The following KATNAL1 variants were observed in gnomAD, a reference collection of about 807,000 sequenced individuals.
KATNAL1 encodes katanin p60 ATPase-containing subunit A-like 1.
KATNAL1 carries 32 observed loss-of-function variants against 55.2 expected under a neutral mutation model. That is an observed-to-expected ratio of 0.58 (90% CI 0.44 to 0.78). KATNAL1 has a LOEUF of 0.78. Ranked by LOEUF, KATNAL1 falls within the 30% of genes least tolerant of loss-of-function variation. The pLI, the probability that KATNAL1 is intolerant of heterozygous loss-of-function variation, is 0.00. For synonymous variants in KATNAL1, 193 were observed against 193.6 expected (o/e 1.00, Z 0.02); for missense variants, 466 against 600.9 (o/e 0.78, Z 2.35).
chr13:30,300,194 T>C (rs1566137766), intron 1 of KATNAL1, among the ~76,000 whole-genome samples: 6 of 152,234 alleles, frequency 3.9e-5, no homozygotes, highest in Non-Finnish European at 2.9e-5. Context: ...ACAAAACATT[T>C]TTTAAACTAA....
At chr13:30,230,068 G>A (rs780784013) in intron 8 of KATNAL1, among the ~76,000 whole-genome samples, 9 of 150,160 alleles carry the variant, frequency 6.0e-5, no homozygotes, top group Non-Finnish European at 1.0e-4. Context: ...ACAGCCTCTC[G>A]AAAACTCTAC....
At chr13:30,245,380 A>G (rs745820841) in intron 4 of KATNAL1, among the ~76,000 whole-genome samples, 6 of 152,156 alleles carry the variant, frequency 3.9e-5, no homozygotes, top group African/African-American at 7.2e-5. Flanking sequence ...CTCCCAATAT[A>G]CTAGGTATCG....
chr13:30,233,392 T>A (rs1876304464), intron 6 of KATNAL1, among the ~76,000 whole-genome samples: 2 of 152,070 alleles, frequency 1.3e-5, no homozygotes, highest in Admixed American at 1.3e-4. Flanking sequence ...AAATTCAAGT[T>A]AAAACCAAAA....
intron 1 of KATNAL1, among the ~76,000 whole-genome samples, chr13:30,303,490 A>C (rs1882988973): frequency 6.6e-6 from 1 of 152,240 alleles, no homozygotes; most frequent in Non-Finnish European, 1.5e-5. Context: ...GCTTGAGCCC[A>C]GGAGTTCAAG....
intron 6 of KATNAL1, among the ~76,000 whole-genome samples, chr13:30,236,452 ACAAT>A (rs902186166): frequency 6.6e-6 from 1 of 152,176 alleles, no homozygotes; most frequent in African/African-American, 2.4e-5. Flanking sequence ...ATCCCTGTAA[ACAAT>A]CAGTCACTGA....
intron 3 of KATNAL1, among the ~76,000 whole-genome samples, chr13:30,258,731 C>T (rs79856713): frequency 0.035 from 5,274 of 151,984 alleles, 106 homozygotes; most frequent in African/African-American, 0.051. Context: ...AATTTTTGTA[C>T]GACGTGAGGT....
intron 4 of KATNAL1, among the ~76,000 whole-genome samples, chr13:30,243,966 A>G (rs1877532266): frequency 6.6e-6 from 1 of 152,088 alleles, no homozygotes; most frequent in Non-Finnish European, 1.5e-5. Context: ...GTTCTAGGAT[A>G]CATGTGCAGA....
At chr13:30,226,947 A>G (rs1413579498) in intron 9 of KATNAL1, among the ~76,000 whole-genome samples, 1 of 152,160 alleles carries the variant, frequency 6.6e-6, no homozygotes, top group African/African-American at 2.4e-5. Context: ...GTGGTGGTAC[A>G]CACCTGTAAT....
chr13:30,240,909 A>G (rs1943601644), intron 5 of KATNAL1, 50 bp downstream of exon 5: 2 of 1,545,052 alleles, frequency 1.3e-6, no homozygotes, highest in Non-Finnish European at 1.8e-6. Flanking sequence ...AAGACAACCT[A>G]TAATTTGTGT....
chr13:30,275,956 T>C (rs1029602890), intron 3 of KATNAL1, among the ~76,000 whole-genome samples: 3 of 152,168 alleles, frequency 2.0e-5, no homozygotes, highest in Non-Finnish European at 4.4e-5. Context: ...TGCTGCAATA[T>C]AGAAAATACT....
Position 30,269,768 on chromosome 13 carries a change from G to A in KATNAL1, c.323+10295C>T, listed in dbSNP as rs1428020385. ...AGACCCTCCGCCTGGCAACCGCCCC[G>A]TCTGAGAAGTGAGGAGCCCCTCCGC... On this transcript the variant is annotated intron_variant, in intron 3 of 10. Transcript: ENST00000380615. Among the ~76,000 whole-genome samples, 28 of 146,770 alleles carry A rather than the reference G, an allele frequency of 1.9e-4. 1 individual carries two copies. The highest frequency in any genetic ancestry group is 2.1e-4 in the East Asian group (1 of 4,798).
chr13:30,239,191 C>T (rs1345097288), intron 6 of KATNAL1, among the ~76,000 whole-genome samples: 1 of 152,168 alleles, frequency 6.6e-6, no homozygotes, highest in Non-Finnish European at 1.5e-5. Flanking sequence ...GGGAGGTTCA[C>T]TTGAGGCCAG....
At chr13:30,219,019 T>C (rs1874589992) in intron 9 of KATNAL1, among the ~76,000 whole-genome samples, 1 of 152,246 alleles carries the variant, frequency 6.6e-6, no homozygotes, top group African/African-American at 2.4e-5. Context: ...GGTATTTCTT[T>C]ATGGAAATTA....
chr13:30,236,236 G>A lies in KATNAL1; in HGVS notation c.726+4224C>T, dbSNP rs377091133. On this transcript the variant is annotated intron_variant, in intron 6 of 10. Transcript: ENST00000380615. The stretch of plus-strand genomic sequence containing the variant: ...GAGAATTATCAAACCTAAGAGGGTA[G>A]TGGGAACTCCTGAATTTGTAGCCAG... Among the ~76,000 whole-genome samples, 403 of 152,314 alleles carry A rather than the reference G, an allele frequency of 2.6e-3. 1 individual carries two copies. Among genetic ancestry groups the A allele is most frequent in the Admixed American group, 0.015 (229 of 15,296 alleles).
At chr13:30,220,919 A>AC (rs11437877) in intron 9 of KATNAL1, among the ~76,000 whole-genome samples, 23,992 of 152,150 alleles carry the variant, frequency 0.16, 2,012 homozygotes, top group Non-Finnish European at 0.18. Context: ...GGCTGGTCTC[A>AC]AACTCCTGAC....
chr13:30,255,682 A>G, intron 3 of KATNAL1, 67 bp from the exon 4 acceptor site: 2 of 1,280,902 alleles, frequency 1.6e-6, no homozygotes, highest in South Asian at 2.7e-5. Context: ...AAGTATGTCA[A>G]TACTATCTTA....
At chr13:30,239,718 A>T (rs575940899) in intron 6 of KATNAL1, among the ~76,000 whole-genome samples, 87 of 132,656 alleles carry the variant, frequency 6.6e-4, no homozygotes, top group Non-Finnish European at 1.1e-3. Context: ...ATGGAGTCTC[A>T]CTCTGTTGCC....
At chr13:30,220,746 TGGAGTG>T (rs1182852666) in intron 9 of KATNAL1, among the ~76,000 whole-genome samples, 2 of 152,092 alleles carry the variant, frequency 1.3e-5, no homozygotes, top group Non-Finnish European at 2.9e-5. Flanking sequence ...TCACCCAGGC[TGGAGTG>T]CTGTGGTGTG....
At chr13:30,271,547 A>C (rs1027129672) in intron 3 of KATNAL1, among the ~76,000 whole-genome samples, 1 of 152,090 alleles carries the variant, frequency 6.6e-6, no homozygotes, top group African/African-American at 2.4e-5. Context: ...CACACTTTTT[A>C]ACAACCAGAT....
Sources: gnomAD v4.1 joint callset for allele counts (sites outside exome capture counted in the v4.1 genomes callset) on GRCh38, gnomAD v4.1.1 for gene constraint, MANE v1.5 for transcripts, NCBI Gene and HGNC (gene_info 2026-07-23, HGNC 2026-07-21) for gene names.